Variants in NOL4 observed in about 807,000 individuals in gnomAD.
The protein encoded by NOL4 is nucleolar protein 4, also known as cancer/testis antigen 125.
In NOL4, 17 loss-of-function variants were observed where a neutral mutation model predicts 75.9. That is an observed-to-expected ratio of 0.22 (90% CI 0.15 to 0.34). The LOEUF (loss-of-function observed/expected upper bound fraction) is 0.34, where lower values mean the gene tolerates loss of function less well. Among genes scored for constraint, NOL4 ranks in the 10% least tolerant of loss-of-function variants. NOL4 has a pLI of 1.00. For synonymous variants in NOL4, 292 were observed against 289.9 expected (o/e 1.01, Z -0.07); for missense variants, 614 against 793.5 (o/e 0.77, Z 2.72).
chr18:33,892,717 G>C (rs990968497), intron 9 of NOL4, among the ~76,000 whole-genome samples: 2 of 151,760 alleles, frequency 1.3e-5, no homozygotes, highest in African/African-American at 4.8e-5. Flanking sequence ...GAGTGCAGTG[G>C]CACCACCATA....
chr18:33,992,893 G>A (rs1457755163), intron 6 of NOL4, among the ~76,000 whole-genome samples: 1 of 152,028 alleles, frequency 6.6e-6, no homozygotes, highest in Admixed American at 6.6e-5. Flanking sequence ...AGACCATAAT[G>A]TAGCACTTAA....
chr18:34,141,581 G>A (rs556863683), intron 1 of NOL4, among the ~76,000 whole-genome samples: 2 of 152,236 alleles, frequency 1.3e-5, no homozygotes, highest in Non-Finnish European at 2.9e-5. Flanking sequence ...CAAGAAATGG[G>A]GAAAGGTTCC....
intron 9 of NOL4, among the ~76,000 whole-genome samples, chr18:33,918,920 C>T (rs2066878368): frequency 6.6e-6 from 1 of 152,060 alleles, no homozygotes; most frequent in Non-Finnish European, 1.5e-5. Flanking sequence ...TTGCCACTTA[C>T]TACCCTATAG....
intron 1 of NOL4, among the ~76,000 whole-genome samples, chr18:34,191,553 A>C (rs1042375214): frequency 6.6e-6 from 1 of 152,066 alleles, no homozygotes; most frequent in Non-Finnish European, 1.5e-5. Context: ...TGATAATTCT[A>C]TCTCTCTGTT....
chr18:34,013,884 T>A (rs1392975993), intron 6 of NOL4, among the ~76,000 whole-genome samples: 1 of 151,968 alleles, frequency 6.6e-6, no homozygotes, highest in African/African-American at 2.4e-5. Context: ...TTGTTGTTTC[T>A]ACCCTGAATA....
chr18:34,069,982 C>T (rs2077441673), intron 5 of NOL4, among the ~76,000 whole-genome samples: 1 of 152,208 alleles, frequency 6.6e-6, no homozygotes, highest in Non-Finnish European at 1.5e-5. Flanking sequence ...CCTCCAGCTT[C>T]GCTATGCCAA....
intron 5 of NOL4, among the ~76,000 whole-genome samples, chr18:34,036,141 G>A (rs2075885146): frequency 6.6e-6 from 1 of 152,040 alleles, no homozygotes; most frequent in South Asian, 2.1e-4. Context: ...ATATTACCCT[G>A]ATACCAAAAC....
At chr18:34,077,060 C>G (rs747451310) in intron 5 of NOL4, among the ~76,000 whole-genome samples, 1 of 152,186 alleles carries the variant, frequency 6.6e-6, no homozygotes, top group Non-Finnish European at 1.5e-5. Context: ...AATCCCAGCA[C>G]TTTCGAAGGC....
At chr18:34,101,297 A>T (rs572312360) in intron 4 of NOL4, among the ~76,000 whole-genome samples, 2 of 152,286 alleles carry the variant, frequency 1.3e-5, no homozygotes, top group South Asian at 2.1e-4. Flanking sequence ...AAGCCCTTGC[A>T]GGGGCCATGT....
intron 5 of NOL4, among the ~76,000 whole-genome samples, chr18:34,033,907 GA>G (rs753810558): frequency 8.0e-4 from 118 of 147,404 alleles, no homozygotes; most frequent in African/African-American, 1.9e-3. Flanking sequence ...GTGCTAAAAA[GA>G]AAAAAAAAAT....
intron 9 of NOL4, among the ~76,000 whole-genome samples, chr18:33,905,172 CTG>C (rs2065960764): frequency 6.6e-6 from 1 of 152,158 alleles, no homozygotes; most frequent in African/African-American, 2.4e-5. Context: ...AATATGTTAA[CTG>C]TAGGCACTGT....
chr18:33,977,055 C>A (rs1157200268), intron 6 of NOL4, among the ~76,000 whole-genome samples: 1 of 152,006 alleles, frequency 6.6e-6, no homozygotes, highest in African/African-American at 2.4e-5. Context: ...ACATCATCAT[C>A]CTCATTAATA....
chr18:33,873,973 G>C (rs1186273431), intron 10 of NOL4, among the ~76,000 whole-genome samples: 5 of 151,920 alleles, frequency 3.3e-5, no homozygotes, highest in African/African-American at 7.2e-5. Flanking sequence ...CTCTGCATGA[G>C]ATAACCCCAG....
Position 34,211,885 on chromosome 18 carries a change from T to C in NOL4, c.264+11105A>G, listed in dbSNP as rs141639739. Among the ~76,000 whole-genome samples, 353 of 152,282 alleles carry C rather than the reference T, an allele frequency of 2.3e-3. 3 individuals are homozygous for C. The highest frequency in any genetic ancestry group is 8.0e-3 in the African/African-American group (331 of 41,572). On this transcript the variant is annotated intron_variant, in intron 1 of 10. Transcript: ENST00000261592. ...AAGACTTGCCAATTACTGCTATTTTTTATATTCTATTCCCCAAATGTTAGG... is the reference window on the plus strand; with the variant it reads ...AAGACTTGCCAATTACTGCTATTTTCTATATTCTATTCCCCAAATGTTAGG...
intron 10 of NOL4, among the ~76,000 whole-genome samples, chr18:33,860,109 A>G (rs2063031912): frequency 6.6e-6 from 1 of 152,014 alleles, no homozygotes. Flanking sequence ...ACTGTCAAAC[A>G]CTTATAAAAC....
chr18:34,030,336 T>G (rs1038035853), intron 5 of NOL4, among the ~76,000 whole-genome samples: 1 of 152,204 alleles, frequency 6.6e-6, no homozygotes, highest in Non-Finnish European at 1.5e-5. Context: ...TGCTTATTTT[T>G]TCTTCTGGGG....
intron 1 of NOL4, among the ~76,000 whole-genome samples, chr18:34,149,044 G>A (rs529193705): frequency 6.6e-6 from 1 of 151,436 alleles, no homozygotes; most frequent in South Asian, 2.1e-4. Flanking sequence ...TAGTTATTGT[G>A]GCTAATTCAG....
intron 9 of NOL4, among the ~76,000 whole-genome samples, chr18:33,937,481 T>C (rs768027570): frequency 1.3e-5 from 2 of 152,146 alleles, no homozygotes; most frequent in Non-Finnish European, 1.5e-5. Context: ...TTTTGAGTGT[T>C]CATGTTTTGA....
At chr18:34,042,412 T>A (rs891692657) in intron 5 of NOL4, among the ~76,000 whole-genome samples, 3 of 152,038 alleles carry the variant, frequency 2.0e-5, no homozygotes, top group African/African-American at 7.2e-5. Flanking sequence ...ATGATTCCTA[T>A]CCCAATTACA....
Sources: allele counts gnomAD v4.1 joint callset (sites outside exome capture counted in the v4.1 genomes callset), GRCh38; gene constraint gnomAD v4.1.1; transcripts MANE v1.5; gene names NCBI Gene and HGNC (gene_info 2026-07-23, HGNC 2026-07-21).